PAQR4: variants seen among roughly 807,000 people sequenced by gnomAD.
PAQR4 encodes the protein progestin and adipoQ receptor family member IV.
Under a neutral mutation model 20.9 loss-of-function variants are expected in PAQR4, and 26 were observed. The observed-to-expected ratio is 1.24, with a 90% CI of 0.91 to 1.73. PAQR4 has a LOEUF of 1.73. PAQR4 is among the 40% of genes most tolerant of loss of function. PAQR4 has a pLI of 0.00. For synonymous variants in PAQR4, 193 were observed against 171.6 expected, an observed-to-expected ratio of 1.12 and a Z score of -0.97; for missense variants, 400 against 380.1, an observed-to-expected ratio of 1.05 and a Z score of -0.44.
chr16:2,971,776 G>A lies in PAQR4; in HGVS notation c.650G>A (p.Gly217Glu). The change falls in exon 3 of 3, where the codon GGA (glycine) becomes GAA (glutamate). Residue 217 changes from glycine to glutamate, a missense_variant. Gly to Glu is a moderately conservative substitution (Grantham distance 98). Coordinates refer to ENST00000318782, the MANE Select transcript of PAQR4 (RefSeq NM_152341.5). ...ATGGACGCACTGGCGCTGCTTGGGG[G>A]ACTGGTAAATGTAGCCCGTCTGCCC... ...LRMDALALLG[G>E]LVNVARLPER... 6.2e-7 allele frequency: 1 copy of A among 1,612,970 alleles called. No individual in the cohort carries two copies.
chr16:2,970,167 C>T (rs1156253542), intron 1 of PAQR4: 1 of 289,634 alleles, frequency 3.5e-6, no homozygotes, highest in Non-Finnish European at 6.5e-6. Context: ...CAGCACCCAG[C>T]CGGGAGATGG....
chr16:2,972,645 G>T lies in PAQR4; in HGVS notation c.*697G>T. The T allele has an allele frequency of 6.5e-7, 1 of 1,535,700 alleles. No homozygotes were observed. On this transcript the variant is annotated 3_prime_UTR_variant, in exon 3 of 3. Coordinates refer to ENST00000318782, the MANE Select transcript of PAQR4 (RefSeq NM_152341.5). ...GCTCCAGGTACCCACCGGGGGATGTGCCTGCTCAGGAAACCTCTTTGCTCC... is the reference window on the plus strand; with the variant it reads ...GCTCCAGGTACCCACCGGGGGATGTTCCTGCTCAGGAAACCTCTTTGCTCC...
In PAQR4 at chr16:2,972,037, G is replaced by A; in HGVS notation, c.*89G>A. ...CTCGTCTGCAAGGGGCTGGCTCCTT[G>A]GATGCTTCCAGCTCATGAGATGTCT... On this transcript the variant is annotated 3_prime_UTR_variant, in exon 3 of 3. Transcript: ENST00000318782. 1.5e-6 allele frequency: 2 copies of A among 1,296,810 alleles called. No homozygotes were observed. The highest frequency in any genetic ancestry group is 1.0e-6 in the Non-Finnish European group (1 of 965,076). The allele number at this position is 1,296,810 out of a possible 1,614,324, so 80.3% of individuals were successfully genotyped here.
In PAQR4 at chr16:2,972,333, C is replaced by A. The variant is rs2072018547; in HGVS notation, c.*385C>A. On this transcript the variant is annotated 3_prime_UTR_variant, in exon 3 of 3. Transcript: ENST00000318782. ...TCCTCACCCTATCCTGTTCCTCCCA[C>A]CAGGCCTGTGGCCAGTCTTCCTGAT... The A allele has an allele frequency of 7.6e-6, 4 of 524,202 alleles. No individual in the cohort carries two copies. In the Admixed American group the frequency reaches 1.0e-4, roughly 13 times the overall value. The allele number at this position is 524,202 out of a possible 1,614,324, so 32.5% of individuals were successfully genotyped here. A position where few individuals can be genotyped will look rare whatever the true frequency, so the allele number is the denominator to read the frequency against.
At position 2,969,494 on chromosome 16, in the gene PAQR4, G is replaced by T; in HGVS notation, c.-181G>T. On this transcript the variant is annotated 5_prime_UTR_variant, in exon 1 of 3. Transcript: ENST00000318782. ...GCGGGGGCGACGGACTCGCGCGTGCGCAGCGCCGGAGGGGCGCGGGCTGGG... is the reference window on the plus strand; with the variant it reads ...GCGGGGGCGACGGACTCGCGCGTGCTCAGCGCCGGAGGGGCGCGGGCTGGG... 1 of 474,598 alleles carries T rather than the reference G, an allele frequency of 2.1e-6. No individual in the cohort carries two copies. 29.4% of individuals were successfully genotyped at this position (474,598 alleles called of 1,614,324 possible). A position where few individuals can be genotyped will look rare whatever the true frequency, so the allele number is the denominator to read the frequency against.
chr16:2,970,874 C>T, intron 1 of PAQR4: 1 of 579,152 alleles, frequency 1.7e-6, no homozygotes, highest in Non-Finnish European at 3.1e-6. Flanking sequence ...CCATTGCTTA[C>T]CTGCTGGGCT....
At position 2,972,186 on chromosome 16, in the gene PAQR4, G is replaced by C. The variant is rs1390233082; in HGVS notation, c.*238G>C. On this transcript the variant is annotated 3_prime_UTR_variant, in exon 3 of 3. Coordinates refer to ENST00000318782, the MANE Select transcript of PAQR4 (RefSeq NM_152341.5). ...CCTATTTTACTGTGTCAGCTGGAAG[G>C]AAACCTTTCCCTCTTGGGACCTCTT... is the stretch of plus-strand genomic sequence containing the variant. 14 of 569,394 alleles carry C rather than the reference G, an allele frequency of 2.5e-5. No individual in the cohort carries two copies. The East Asian group carries it at 3.8e-4, about 15-fold the overall frequency. 35.3% of individuals were successfully genotyped at this position (569,394 alleles called of 1,614,324 possible).
intron 1 of PAQR4, 44 bp from the exon 2 acceptor site, chr16:2,971,113 G>T (rs758452706): frequency 1.3e-6 from 2 of 1,579,672 alleles, no homozygotes; most frequent in South Asian, 1.1e-5. Flanking sequence ...TCCCCTTGAG[G>T]ATGTGACTGA....
At position 2,972,936 on chromosome 16, in the gene PAQR4, G is replaced by T; in HGVS notation, c.*988G>T. On this transcript the variant is annotated 3_prime_UTR_variant, in exon 3 of 3. Transcript: ENST00000318782. Reference sequence around the variant, plus strand: ...CACAGGATAAAAGGTTAAAAGTGCAGAGGCAGAGTCTGGGGCTCAGGTTGG... The same window carrying T: ...CACAGGATAAAAGGTTAAAAGTGCATAGGCAGAGTCTGGGGCTCAGGTTGG... 1.3e-6 allele frequency: 2 copies of T among 1,590,096 alleles called. No homozygotes were observed. Among genetic ancestry groups the T allele is most frequent in the Non-Finnish European group, 1.7e-6 (2 of 1,168,100 alleles).
At position 2,972,476 on chromosome 16, in the gene PAQR4, T is replaced by C; in HGVS notation, c.*528T>C. The C allele has an allele frequency of 1.3e-6, 1 of 763,548 alleles. No individual in the cohort carries two copies. Among genetic ancestry groups the C allele is most frequent in the Non-Finnish European group, 2.1e-6 (1 of 485,878 alleles). The allele number at this position is 763,548 out of a possible 1,614,324, so 47.3% of individuals were successfully genotyped here. A position where few individuals can be genotyped will look rare whatever the true frequency, so the allele number is the denominator to read the frequency against. On this transcript the variant is annotated 3_prime_UTR_variant, in exon 3 of 3. Coordinates refer to ENST00000318782, the MANE Select transcript of PAQR4 (RefSeq NM_152341.5). ...TCAGGACAAAAGGACCAAGGGGGCG[T>C]GGACCCGTCTTGTACCAGCTGGCCA...
At chr16:2,970,080 A>G in intron 1 of PAQR4, 1 of 540,328 alleles carries the variant, frequency 1.9e-6, no homozygotes, top group Non-Finnish European at 3.2e-6. Flanking sequence ...GAGCCTGCTT[A>G]ATCCCTCTGA....
rs2072024417 is a variant in PAQR4 at position 2,972,545 on chromosome 16, G to C, written c.*597G>C. The stretch of plus-strand genomic sequence containing the variant: ...CTGCTTCTTCCAGGAAACTGACACA[G>C]GGAGCTCAGCGGCCTCAGATCCTGG... On this transcript the variant is annotated 3_prime_UTR_variant, in exon 3 of 3. Coordinates refer to ENST00000318782, the MANE Select transcript of PAQR4 (RefSeq NM_152341.5). 5.0e-6 allele frequency: 7 copies of C among 1,408,374 alleles called. No individual in the cohort carries two copies. In the East Asian group the frequency reaches 7.5e-5, roughly 15 times the overall value. 87.2% of individuals were successfully genotyped at this position (1,408,374 alleles called of 1,614,324 possible).
At position 2,972,879 on chromosome 16, in the gene PAQR4, G is replaced by A; in HGVS notation, c.*931G>A. 1 of 1,541,288 alleles carries A rather than the reference G, an allele frequency of 6.5e-7. No individual in the cohort carries two copies. Among genetic ancestry groups the A allele is most frequent in the Non-Finnish European group, 8.8e-7 (1 of 1,137,696 alleles). ...CAGAGAAGACCATGGGAGTTCCCGA[G>A]GGGCCCCAGCTTTCAAGGGCGACGG... On this transcript the variant is annotated 3_prime_UTR_variant, in exon 3 of 3. Transcript: ENST00000318782.
rs2071975252 is a variant in PAQR4 at position 2,971,141 on chromosome 16, CTG to C, written c.167-14_167-13del. On this transcript the variant is annotated splice_polypyrimidine_tract_variant and intron_variant, in intron 1 of 2. Transcript: ENST00000318782. ...GTGACTGAAACTATCTGGTAGATGA[CTG>C]TCTCCCTCCCTAGGGCTGGCCCTGC... The C allele has an allele frequency of 6.2e-7, 1 of 1,611,374 alleles. No homozygotes were observed. The highest frequency in any genetic ancestry group is 8.5e-7 in the Non-Finnish European group (1 of 1,178,560).
In PAQR4 at chr16:2,971,953, C is replaced by T; in HGVS notation, c.*5C>T. The stretch of plus-strand genomic sequence containing the variant: ...CACGCCTGTCCCCGGGACTGAGCTG[C>T]CATGCCAGCCTGCCCACAGCAGCCT... On this transcript the variant is annotated 3_prime_UTR_variant, in exon 3 of 3. Coordinates refer to ENST00000318782, the MANE Select transcript of PAQR4 (RefSeq NM_152341.5). The T allele has an allele frequency of 6.4e-7, 1 of 1,572,014 alleles. No homozygotes were observed. Among genetic ancestry groups the T allele is most frequent in the African/African-American group, 1.3e-5 (1 of 74,538 alleles).
chr16:2,973,418 C>T lies in PAQR4; in HGVS notation c.*1470C>T, dbSNP rs1486078652. The T allele has an allele frequency of 1.3e-6, 2 of 1,533,608 alleles. No individual in the cohort carries two copies. The highest frequency in any genetic ancestry group is 2.5e-5 in the East Asian group (1 of 40,796). ...CTTCCATCTGGCTGCACTCCAAGGC[C>T]CCCTCTGTCCTTTTCAGAACACATG... On this transcript the variant is annotated 3_prime_UTR_variant, in exon 3 of 3. Coordinates refer to ENST00000318782, the MANE Select transcript of PAQR4 (RefSeq NM_152341.5).
At chr16:2,970,592 C>T (rs1347050991) in intron 1 of PAQR4, among the ~76,000 whole-genome samples, 1 of 152,202 alleles carries the variant, frequency 6.6e-6, no homozygotes, top group Non-Finnish European at 1.5e-5. Flanking sequence ...CCCCTCGAAG[C>T]CCCCTTCCCT....
At position 2,969,759 on chromosome 16, in the gene PAQR4, T is replaced by A; in HGVS notation, c.85T>A (p.Tyr29Asn). ...GTTCAATAAGTTCGTGCTGACCGGG[T>A]ACCGGCCCGCCAGCAGCGGCTCGGG... ...LQFNKFVLTG[Y>N]RPASSGSGCL... Residue 29 changes from tyrosine to asparagine, a missense_variant, in exon 1 of 3, where the codon TAC (tyrosine) becomes AAC (asparagine). Tyr to Asn is a moderately radical substitution (Grantham distance 143, BLOSUM62 -2). Coordinates refer to ENST00000318782, the MANE Select transcript of PAQR4 (RefSeq NM_152341.5). 6.2e-7 allele frequency: 1 copy of A among 1,610,954 alleles called. No individual in the cohort carries two copies. Among genetic ancestry groups the A allele is most frequent in the Non-Finnish European group, 8.5e-7 (1 of 1,179,170 alleles).
Position 2,971,941 on chromosome 16 carries a change from G to A in PAQR4, c.815G>A (p.Arg272Gln), listed in dbSNP as rs200323509. 277 of 1,583,608 alleles carry A rather than the reference G, an allele frequency of 1.7e-4. No individual in the cohort carries two copies. The highest frequency in any genetic ancestry group is 2.2e-4 in the Non-Finnish European group (262 of 1,168,878). Reference protein sequence around the residue: ...LLWAAHHACPRD With the variant: ...LLWAAHHACPQD The stretch of plus-strand genomic sequence containing the variant: ...TGGGCTGCCCACCACGCCTGTCCCC[G>A]GGACTGAGCTGCCATGCCAGCCTGC... The change falls in exon 3 of 3, where the codon CGG becomes CAG. Residue 272 changes from arginine to glutamine, a missense_variant. Arg to Gln is a conservative substitution (Grantham distance 43). Coordinates refer to ENST00000318782, the MANE Select transcript of PAQR4 (RefSeq NM_152341.5).
Sources: allele counts gnomAD v4.1 joint callset (sites outside exome capture counted in the v4.1 genomes callset), GRCh38; gene constraint gnomAD v4.1.1; transcripts MANE v1.5; gene names NCBI Gene and HGNC (gene_info 2026-07-23, HGNC 2026-07-21).